NMNAT1: variants seen among roughly 807,000 people sequenced by gnomAD.
The protein encoded by NMNAT1 is nicotinamide nucleotide adenylyltransferase 1.
NMNAT1 carries 11 observed loss-of-function variants against 16.7 expected under a neutral mutation model. That is an observed-to-expected ratio of 0.66 (90% CI 0.41 to 1.09). The LOEUF (loss-of-function observed/expected upper bound fraction) is 1.09, where lower values mean the gene tolerates loss of function less well. Among genes scored for constraint, NMNAT1 ranks in the 50% least tolerant of loss-of-function variants. The probability of loss-of-function intolerance (pLI) is 0.00; values close to 1 mark genes in which losing one functional copy is unlikely to be tolerated. For missense variants in NMNAT1, 280 were observed against 332.3 expected (o/e 0.84, Z 1.22); for synonymous variants, 110 against 119.8 (o/e 0.92, Z 0.53).
At chr1:9,991,610 T>TA in the NMNAT1 span, among the ~76,000 whole-genome samples, 5 of 152,160 alleles carry the variant, frequency 3.3e-5, no homozygotes, top group Admixed American at 6.6e-5. Context: ...AACAAACATT[T>TA]ATTGAGTACT....
chr1:9,996,161 G>A, the NMNAT1 span, among the ~76,000 whole-genome samples: 2 of 147,122 alleles, frequency 1.4e-5, no homozygotes, highest in South Asian at 2.2e-4. Flanking sequence ...AATATAAAAA[G>A]TTAGCCGGGC....
the NMNAT1 span, among the ~76,000 whole-genome samples, chr1:9,993,088 A>G: frequency 6.6e-6 from 1 of 152,106 alleles, no homozygotes; most frequent in Admixed American, 6.6e-5. Flanking sequence ...GAGTTGGGGG[A>G]GACAGGATGT....
the NMNAT1 span, among the ~76,000 whole-genome samples, chr1:9,996,287 G>A: frequency 2.1e-5 from 3 of 144,538 alleles, no homozygotes; most frequent in Admixed American, 2.1e-4. Context: ...CTCCAGCCTG[G>A]GCACAGAGCG....
At chr1:9,989,792 G>A (rs1198834515), downstream of NMNAT1, among the ~76,000 whole-genome samples, 18 of 152,176 alleles carry the variant, frequency 1.2e-4, no homozygotes, top group Non-Finnish European at 1.5e-4. Context: ...CTGTCACACT[G>A]ACCCTCCACT....
chr1:9,991,693 G>C, the NMNAT1 span, among the ~76,000 whole-genome samples: 1 of 152,096 alleles, frequency 6.6e-6, no homozygotes, highest in East Asian at 1.9e-4. Context: ...GCCCTGGAAA[G>C]CTTCATGGAA....
chr1:9,989,455 C>T (rs1244346047), downstream of NMNAT1, among the ~76,000 whole-genome samples: 1 of 150,622 alleles, frequency 6.6e-6, no homozygotes, highest in African/African-American at 2.4e-5. Context: ...AAAACTCAGT[C>T]TAAAAAAAAA....
intron 4 of NMNAT1, chr1:9,981,866 T>G (rs982562751): frequency 1.3e-5 from 2 of 156,360 alleles, no homozygotes; most frequent in Non-Finnish European, 2.8e-5. Context: ...GAACTGTCAT[T>G]CTTTTTTTTT....
At chr1:9,942,961 T>C (rs1343580690), upstream of NMNAT1, 1 of 352,340 alleles carries the variant, frequency 2.8e-6, no homozygotes, top group South Asian at 2.1e-5. Flanking sequence ...GAGAGGGTCT[T>C]TGAGGAAAAT....
At chr1:9,947,051 C>T (rs1056132800) in intron 1 of NMNAT1, among the ~76,000 whole-genome samples, 23 of 152,232 alleles carry the variant, frequency 1.5e-4, no homozygotes, top group African/African-American at 5.5e-4. Context: ...ATGTCTGTAC[C>T]TCTCCCCTGA....
intron 3 of NMNAT1, among the ~76,000 whole-genome samples, chr1:9,976,696 C>T (rs1641821656): frequency 6.6e-6 from 1 of 152,072 alleles, no homozygotes; most frequent in Middle Eastern, 3.4e-3. Context: ...GCATTCTCGG[C>T]TCACTGCGAC....
intron 2 of NMNAT1, among the ~76,000 whole-genome samples, chr1:9,972,686 A>T (rs1641716608): frequency 6.6e-6 from 1 of 152,086 alleles, no homozygotes; most frequent in South Asian, 2.1e-4. Context: ...AGCCAGGTAC[A>T]GTGGCTCACA....
At chr1:9,980,129 C>T (rs1641908256) in intron 3 of NMNAT1, among the ~76,000 whole-genome samples, 1 of 151,710 alleles carries the variant, frequency 6.6e-6, no homozygotes, top group African/African-American at 2.4e-5. Flanking sequence ...CAGGGTTTCT[C>T]CATGTTGGTC....
At chr1:9,994,424 T>C in the NMNAT1 span, among the ~76,000 whole-genome samples, 2 of 151,206 alleles carry the variant, frequency 1.3e-5, no homozygotes, top group Non-Finnish European at 2.9e-5. Flanking sequence ...AATGTTAGCT[T>C]TTATTTTTTA....
downstream of NMNAT1, among the ~76,000 whole-genome samples, chr1:9,986,255 T>C (rs1273846785): frequency 6.6e-6 from 1 of 152,226 alleles, no homozygotes; most frequent in Non-Finnish European, 1.5e-5. Flanking sequence ...AATAGTATAA[T>C]GAGCCCCTAC....
At chr1:9,988,681 G>A (rs1642075326), downstream of NMNAT1, among the ~76,000 whole-genome samples, 1 of 144,584 alleles carries the variant, frequency 6.9e-6, no homozygotes, top group South Asian at 2.2e-4. Flanking sequence ...TCCAGCCTGG[G>A]TGACAGAGCG....
chr1:9,993,848 C>G, the NMNAT1 span, among the ~76,000 whole-genome samples: 7 of 152,108 alleles, frequency 4.6e-5, no homozygotes, highest in African/African-American at 1.4e-4. Flanking sequence ...TCTAGCTTAG[C>G]TGCGTCAAGT....
Position 9,982,733 on chromosome 1 carries a change from A to G in NMNAT1, c.*32A>G, listed in dbSNP as rs748409342. On this transcript the variant is annotated 3_prime_UTR_variant, in exon 5 of 5. Transcript: ENST00000377205. ...TACAGCATGATATTTCAGACTTCCC[A>G]TTTGGGGATCTGAAACAATCTGGGA... 6 of 1,550,622 alleles carry G rather than the reference A, an allele frequency of 3.9e-6. No homozygotes were observed. In the African/African-American group the frequency reaches 5.5e-5, roughly 14 times the overall value.
In NMNAT1 at chr1:9,975,728, A is replaced by G; in HGVS notation, c.252A>G (p.Thr84=). The G allele has an allele frequency of 6.2e-7, 1 of 1,614,146 alleles. No homozygotes were observed. Among genetic ancestry groups the G allele is most frequent in the Non-Finnish European group, 8.5e-7 (1 of 1,179,996 alleles). The change falls in exon 3 of 5, where the codon ACA becomes ACG. Residue 84 remains threonine, a synonymous_variant. Transcript: ENST00000377205. The part of the protein sequence containing the change: ...TKNSKWVEVD[T]WESLQKEWKE... The stretch of plus-strand genomic sequence containing the variant: ...ATTCTAAATGGGTGGAAGTTGATAC[A>G]TGGGAAAGTCTTCAGAAGGAGTGGA...
Position 9,985,275 on chromosome 1 carries a change from G to A in NMNAT1, c.*2574G>A, listed in dbSNP as rs1428346591. ...TGTCAGCACTTCCTGAACACTTACT[G>A]TGTGCTTGGCTTGTGCTCCTGAGTG... On this transcript the variant is annotated 3_prime_UTR_variant, in exon 5 of 5. Transcript: ENST00000377205. The A allele has an allele frequency of 6.6e-6, 1 of 152,130 alleles. No homozygotes were observed. The highest frequency in any genetic ancestry group is 1.5e-5 in the Non-Finnish European group (1 of 68,044). 9.4% of individuals were successfully genotyped at this position (152,130 alleles called of 1,614,324 possible).
Sources: allele counts gnomAD v4.1 joint callset (sites outside exome capture counted in the v4.1 genomes callset), GRCh38; gene constraint gnomAD v4.1.1; transcripts MANE v1.5; gene names NCBI Gene and HGNC (gene_info 2026-07-23, HGNC 2026-07-21).